The following TYR variants were observed in gnomAD, a reference collection of about 807,000 sequenced individuals.
TYR encodes tyrosinase.
Under a neutral mutation model 51.5 loss-of-function variants are expected in TYR, and 58 were observed. That is an observed-to-expected ratio of 1.13 (90% CI 0.91 to 1.40). TYR has a LOEUF of 1.40. Ranked by LOEUF, TYR falls within the 40% of genes most tolerant of loss-of-function variation. The pLI is 0.00. For missense variants in TYR, 732 were observed against 647.4 expected, an observed-to-expected ratio of 1.13 and a Z score of -1.42; for synonymous variants, 263 against 235.2, an observed-to-expected ratio of 1.12 and a Z score of -1.08.
At chr11:89,217,269 A>G (rs928100899) in intron 2 of TYR, among the ~76,000 whole-genome samples, 12 of 152,208 alleles carry the variant, frequency 7.9e-5, no homozygotes, top group African/African-American at 2.4e-4. Flanking sequence ...AAGTAATACT[A>G]TGCAGTGTTA....
chr11:89,199,139 T>A (rs1462812087), intron 2 of TYR, among the ~76,000 whole-genome samples: 1 of 152,204 alleles, frequency 6.6e-6, no homozygotes, highest in East Asian at 1.9e-4. Context: ...ATGTGCCACA[T>A]TTTCTTAATC....
At chr11:89,230,302 C>T (rs1033450823) in intron 3 of TYR, among the ~76,000 whole-genome samples, 9 of 152,158 alleles carry the variant, frequency 5.9e-5, no homozygotes, top group East Asian at 3.9e-4. Flanking sequence ...TGCAATTAGT[C>T]GTTTGGGGAC....
intron 2 of TYR, among the ~76,000 whole-genome samples, chr11:89,198,053 T>C (rs1309442251): frequency 6.6e-6 from 1 of 152,074 alleles, no homozygotes; most frequent in Non-Finnish European, 1.5e-5. Context: ...AGCTGTGGGC[T>C]TTAATGAGAA....
chr11:89,282,424 T>G (rs1232366188), intron 3 of TYR, among the ~76,000 whole-genome samples: 1 of 151,794 alleles, frequency 6.6e-6, no homozygotes, highest in Non-Finnish European at 1.5e-5. Context: ...TACTAAAAAT[T>G]ATCTATAATG....
intron 3 of TYR, among the ~76,000 whole-genome samples, chr11:89,257,602 T>G (rs1021345316): frequency 6.6e-6 from 1 of 152,056 alleles, no homozygotes; most frequent in African/African-American, 2.4e-5. Context: ...ATAAAAATAC[T>G]GTATATGTAT....
chr11:89,252,854 A>G (rs898576159), intron 3 of TYR, among the ~76,000 whole-genome samples: 2 of 151,464 alleles, frequency 1.3e-5, no homozygotes, highest in African/African-American at 4.8e-5. Flanking sequence ...TTCAGGAAAT[A>G]CTCCTTTGTT....
chr11:89,206,786 T>G (rs1943677821), intron 2 of TYR, among the ~76,000 whole-genome samples: 1 of 152,140 alleles, frequency 6.6e-6, no homozygotes, highest in Non-Finnish European at 1.5e-5. Flanking sequence ...GACTGTGTTC[T>G]CCTACCCCAA....
chr11:89,239,151 G>A (rs1565408935), intron 3 of TYR, among the ~76,000 whole-genome samples: 1 of 152,208 alleles, frequency 6.6e-6, no homozygotes, highest in East Asian at 1.9e-4. Flanking sequence ...GTTTTTGATG[G>A]ATTTGTATTA....
chr11:89,280,762 T>A (rs1038246933), intron 3 of TYR, among the ~76,000 whole-genome samples: 2 of 151,684 alleles, frequency 1.3e-5, no homozygotes, highest in African/African-American at 2.4e-5. Context: ...CCATATGTTT[T>A]ATTAGGTAAG....
intron 3 of TYR, 41 bp from the exon 4 acceptor site, chr11:89,284,732 C>T: frequency 6.3e-7 from 1 of 1,590,924 alleles, no homozygotes; most frequent in Non-Finnish European, 8.6e-7. Context: ...TTCTTTTATA[C>T]ACAATATGTT....
intron 2 of TYR, among the ~76,000 whole-genome samples, chr11:89,201,720 C>A (rs1943600990): frequency 6.6e-6 from 1 of 152,176 alleles, no homozygotes; most frequent in Non-Finnish European, 1.5e-5. Flanking sequence ...GGCAAAATCA[C>A]ATCATAGTAT....
intron 3 of TYR, among the ~76,000 whole-genome samples, chr11:89,235,978 T>G (rs1944104816): frequency 1.3e-5 from 2 of 152,100 alleles, no homozygotes; most frequent in Non-Finnish European, 2.9e-5. Context: ...AAAAATAAAA[T>G]TTTTAAAAGT....
intron 2 of TYR, among the ~76,000 whole-genome samples, chr11:89,203,641 T>C (rs74594967): frequency 0.023 from 3,452 of 152,244 alleles, 121 homozygotes; most frequent in African/African-American, 0.077. Flanking sequence ...CAGCTAGGAA[T>C]ATTGGGATCT....
At chr11:89,290,917 A>C (rs535961849) in intron 4 of TYR, among the ~76,000 whole-genome samples, 3 of 152,014 alleles carry the variant, frequency 2.0e-5, no homozygotes, top group Non-Finnish European at 4.4e-5. Flanking sequence ...TTGTTTTGTT[A>C]GAAAGAATCC....
chr11:89,192,074 G>C (rs10765196), intron 2 of TYR: 100,258 of 425,852 alleles, frequency 0.24, 13,025 homozygotes, highest in Non-Finnish European at 0.29. Flanking sequence ...CAGCACATAG[G>C]TAAAGCCTCC....
At position 89,295,519 on chromosome 11, in the gene TYR, G is replaced by C. The variant is rs760869001; in HGVS notation, c.*153G>C. On this transcript the variant is annotated 3_prime_UTR_variant, in exon 5 of 5. Coordinates refer to ENST00000263321, the MANE Select transcript of TYR (RefSeq NM_000372.5). Reference sequence around the variant, plus strand: ...CAAAGTGTAGCCTTCTTCCAACTCAGGTAGAACACACCTGTCTTTGTCTTG... The same window carrying C: ...CAAAGTGTAGCCTTCTTCCAACTCACGTAGAACACACCTGTCTTTGTCTTG... The C allele has an allele frequency of 6.6e-5, 62 of 942,116 alleles. 1 individual carries two copies. The highest frequency in any genetic ancestry group is 3.2e-4 in the Middle Eastern group (1 of 3,128). 58.4% of individuals were successfully genotyped at this position (942,116 alleles called of 1,614,324 possible).
At chr11:89,208,676 T>A (rs895782749) in intron 2 of TYR, among the ~76,000 whole-genome samples, 10 of 152,350 alleles carry the variant, frequency 6.6e-5, no homozygotes, top group African/African-American at 2.4e-4. Flanking sequence ...GAGAATCTCC[T>A]TAAAATATGC....
chr11:89,217,896 T>A (rs2135274458), intron 2 of TYR, among the ~76,000 whole-genome samples: 1 of 152,348 alleles, frequency 6.6e-6, no homozygotes, highest in South Asian at 2.1e-4. Context: ...AATCATTATA[T>A]ATTCTTTTTT....
At chr11:89,205,961 A>G (rs1943667196) in intron 2 of TYR, among the ~76,000 whole-genome samples, 1 of 152,160 alleles carries the variant, frequency 6.6e-6, no homozygotes, top group Admixed American at 6.5e-5. Context: ...ATGCCAGCAG[A>G]GATAAATTAT....
Sources: allele counts gnomAD v4.1 joint callset (sites outside exome capture counted in the v4.1 genomes callset), GRCh38; gene constraint gnomAD v4.1.1; transcripts MANE v1.5; gene names NCBI Gene and HGNC (gene_info 2026-07-23, HGNC 2026-07-21).